The following CACNA2D3 variants were observed in gnomAD, a reference collection of about 807,000 sequenced individuals.
The protein encoded by CACNA2D3 is calcium voltage-gated channel auxiliary subunit alpha2delta 3.
Under a neutral mutation model 160.6 loss-of-function variants are expected in CACNA2D3, and 60 were observed. That is an observed-to-expected ratio of 0.37 (90% CI 0.30 to 0.46). The LOEUF is 0.46. CACNA2D3 is among the 20% of genes least tolerant of loss of function. The pLI is 1.00. For synonymous variants in CACNA2D3, 558 were observed against 492.9 expected (o/e 1.13, Z -1.75); for missense variants, 1,205 against 1,365.0 (o/e 0.88, Z 1.85).
chr3:54,614,672 G>T (rs1447774319), intron 9 of CACNA2D3, among the ~76,000 whole-genome samples: 1 of 152,106 alleles, frequency 6.6e-6, no homozygotes, highest in Non-Finnish European at 1.5e-5. Flanking sequence ...TGAATTTCTT[G>T]GTTCCTTAGA....
At chr3:54,917,724 G>A (rs1157481337) in intron 27 of CACNA2D3, among the ~76,000 whole-genome samples, 1 of 151,996 alleles carries the variant, frequency 6.6e-6, no homozygotes, top group Non-Finnish European at 1.5e-5. Context: ...CCAAATTCTG[G>A]CTCCCCATCC....
intron 11 of CACNA2D3, among the ~76,000 whole-genome samples, chr3:54,701,598 C>T (rs1700768801): frequency 6.6e-6 from 1 of 152,046 alleles, no homozygotes; most frequent in Admixed American, 6.6e-5. Context: ...TCAGAGACAA[C>T]AACAAACAAA....
chr3:54,829,406 T>C, intron 14 of CACNA2D3, among the ~76,000 whole-genome samples: 1 of 152,092 alleles, frequency 6.6e-6, no homozygotes, highest in Admixed American at 6.5e-5. Flanking sequence ...TAGTTGGCCA[T>C]TGAAAGGTTA....
At chr3:54,714,553 A>G (rs1701016442) in intron 11 of CACNA2D3, among the ~76,000 whole-genome samples, 2 of 152,132 alleles carry the variant, frequency 1.3e-5, no homozygotes, top group South Asian at 4.1e-4. Context: ...GAAAGTGGAA[A>G]TTGGTAAGGT....
At chr3:54,790,707 G>C (rs1017350728) in intron 13 of CACNA2D3, among the ~76,000 whole-genome samples, 6 of 152,084 alleles carry the variant, frequency 3.9e-5, no homozygotes, top group Non-Finnish European at 7.4e-5. Flanking sequence ...CACCTTCCAA[G>C]TTCATTGTCA....
chr3:54,997,276 C>T (rs993493869), intron 31 of CACNA2D3, among the ~76,000 whole-genome samples: 1 of 152,204 alleles, frequency 6.6e-6, no homozygotes, highest in Non-Finnish European at 1.5e-5. Context: ...TGAGGTATAT[C>T]ACATTCTAAA....
chr3:54,350,985 T>TTTTTTTTTTTTTTTA (rs1559457824), intron 3 of CACNA2D3, among the ~76,000 whole-genome samples: 1 of 41,852 alleles, frequency 2.4e-5, no homozygotes, highest in Non-Finnish European at 5.0e-5. Flanking sequence ...TTTTTTTGTT[T>TTTTTTTTTTTTTTTA]GTTTTTTTTT....
At chr3:54,562,587 G>T (rs927578451) in intron 5 of CACNA2D3, among the ~76,000 whole-genome samples, 1 of 152,312 alleles carries the variant, frequency 6.6e-6, no homozygotes, top group Middle Eastern at 3.4e-3. Flanking sequence ...ATCAGTAGAG[G>T]CTCCTGGGAG....
intron 27 of CACNA2D3, among the ~76,000 whole-genome samples, chr3:54,964,993 A>G (rs1702115990): frequency 6.6e-6 from 1 of 152,136 alleles, no homozygotes; most frequent in South Asian, 2.1e-4. Context: ...CTAAAAATAT[A>G]AACCTGATCC....
intron 3 of CACNA2D3, among the ~76,000 whole-genome samples, chr3:54,373,167 A>G (rs1698954963): frequency 6.6e-6 from 1 of 152,198 alleles, no homozygotes; most frequent in South Asian, 2.1e-4. Context: ...CCCTGAAGCC[A>G]CCAGTGTCGT....
At chr3:54,630,144 G>A (rs1471637745) in intron 10 of CACNA2D3, among the ~76,000 whole-genome samples, 2 of 152,054 alleles carry the variant, frequency 1.3e-5, no homozygotes, top group Admixed American at 6.5e-5. Flanking sequence ...TCCCTTTCTC[G>A]TGGGGTTGAG....
At chr3:54,764,194 T>C (rs751266365) in intron 12 of CACNA2D3, 24 bp from the exon 13 acceptor site, 19 of 1,613,218 alleles carry the variant, frequency 1.2e-5, no homozygotes, top group Non-Finnish European at 1.5e-5. Flanking sequence ...TTACTAAACT[T>C]GGCCCTCCCT....
intron 32 of CACNA2D3, among the ~76,000 whole-genome samples, chr3:55,006,695 CATTGTT>C (rs923371031): frequency 2.0e-5 from 3 of 148,002 alleles, no homozygotes; most frequent in African/African-American, 7.6e-5. Flanking sequence ...AGAGCCTCAG[CATTGTT>C]GTTGTTGTTG....
intron 5 of CACNA2D3, among the ~76,000 whole-genome samples, chr3:54,555,024 A>G (rs1457155729): frequency 6.6e-6 from 1 of 151,540 alleles, no homozygotes; most frequent in Non-Finnish European, 1.5e-5. Flanking sequence ...ACAGGAGCAC[A>G]CCACCCCGCC....
In CACNA2D3 at chr3:54,242,347, G is replaced by A. The variant is rs377392399; in HGVS notation, c.205-78095G>A. Among the ~76,000 whole-genome samples the A allele has an allele frequency of 2.8e-4, 43 of 152,188 alleles. No individual in the cohort carries two copies. In the South Asian group the frequency reaches 8.3e-3, roughly 29 times the overall value. ...AATCCCAGCTACTCGGGAGGCTGAG[G>A]CAGGATAATCACTTGAATCTGGGAG... On this transcript the variant is annotated intron_variant, in intron 2 of 37. Coordinates refer to ENST00000474759, the MANE Select transcript of CACNA2D3 (RefSeq NM_018398.3).
At chr3:54,646,186 C>CCCTCCCTG (rs1559537958) in intron 11 of CACNA2D3, among the ~76,000 whole-genome samples, 9 of 6,468 alleles carry the variant, frequency 1.4e-3, no homozygotes, top group African/African-American at 3.6e-3. Flanking sequence ...CTCCCTCCCT[C>CCCTCCCTG]CTTCCTTGCT....
intron 11 of CACNA2D3, among the ~76,000 whole-genome samples, chr3:54,707,886 G>A (rs1044744614): frequency 6.6e-6 from 1 of 152,164 alleles, no homozygotes; most frequent in African/African-American, 2.4e-5. Flanking sequence ...TTATCTGATG[G>A]AAAGGCCCTT....
intron 11 of CACNA2D3, among the ~76,000 whole-genome samples, chr3:54,656,187 C>A (rs1699872243): frequency 6.6e-6 from 1 of 152,226 alleles, no homozygotes; most frequent in African/African-American, 2.4e-5. Context: ...AGAGAGGATA[C>A]AGACTTGGCA....
At chr3:54,905,000 G>A (rs1700421954) in intron 27 of CACNA2D3, among the ~76,000 whole-genome samples, 1 of 152,158 alleles carries the variant, frequency 6.6e-6, no homozygotes, top group Admixed American at 6.5e-5. Context: ...GGCATCTAAG[G>A]TGATGCTTAG....
Sources: gnomAD v4.1 joint callset for allele counts (sites outside exome capture counted in the v4.1 genomes callset) on GRCh38, gnomAD v4.1.1 for gene constraint, MANE v1.5 for transcripts, NCBI Gene and HGNC (gene_info 2026-07-23, HGNC 2026-07-21) for gene names.